Variants in GOLT1B observed in about 807,000 individuals in gnomAD.
The protein encoded by GOLT1B is golgi transport 1B.
A neutral mutation model predicts 15.4 loss-of-function variants in GOLT1B; 3 were observed. That is an observed-to-expected ratio of 0.19 (90% CI 0.09 to 0.50). The LOEUF is 0.50. GOLT1B is among the 20% of genes least tolerant of loss of function. The probability of loss-of-function intolerance (pLI) is 0.97; values close to 1 mark genes in which losing one functional copy is unlikely to be tolerated. For synonymous variants in GOLT1B, 65 were observed against 56.2 expected, an observed-to-expected ratio of 1.16 and a Z score of -0.70; for missense variants, 145 against 160.4, an observed-to-expected ratio of 0.90 and a Z score of 0.52.
At chr12:21,512,240 A>G in intron 3 of GOLT1B, 55 bp from the exon 4 acceptor site, 1 of 884,872 alleles carries the variant, frequency 1.1e-6, no homozygotes, top group Non-Finnish European at 1.9e-6. Flanking sequence ...GTTAGCAATT[A>G]TTTTGAAAAT....
At chr12:21,504,329 G>A (rs77433867) in intron 1 of GOLT1B, among the ~76,000 whole-genome samples, 4,049 of 152,222 alleles carry the variant, frequency 0.027, 80 homozygotes, top group Non-Finnish European at 0.041. Context: ...GAATGCATAC[G>A]GATAGGGAAA....
At chr12:21,512,256 ATG>A (rs752085767) in intron 3 of GOLT1B, 37 bp from the exon 4 acceptor site, 4 of 960,906 alleles carry the variant, frequency 4.2e-6, no homozygotes, top group Non-Finnish European at 6.6e-6. Flanking sequence ...AAAATAGAAA[ATG>A]TGTAAATATT....
intron 3 of GOLT1B, among the ~76,000 whole-genome samples, chr12:21,511,172 G>C (rs1943716647): frequency 6.6e-6 from 1 of 152,184 alleles, no homozygotes; most frequent in African/African-American, 2.4e-5. Context: ...CTCTAAGTTG[G>C]GGTTCCCACG....
chr12:21,504,767 G>A (rs552368703), intron 1 of GOLT1B, among the ~76,000 whole-genome samples: 11 of 152,218 alleles, frequency 7.2e-5, no homozygotes, highest in East Asian at 3.9e-4. Context: ...TTCATAACAC[G>A]GTAAACCATA....
At chr12:21,511,342 C>T (rs1943718312) in intron 3 of GOLT1B, among the ~76,000 whole-genome samples, 1 of 150,020 alleles carries the variant, frequency 6.7e-6, no homozygotes, top group Admixed American at 6.6e-5. Context: ...CCCCCACCCT[C>T]CCCAACCCAC....
Position 21,513,401 on chromosome 12 carries a change from C to G in GOLT1B, c.378+1025C>G, listed in dbSNP as rs546474416. 6.0e-4 allele frequency among the ~76,000 whole-genome samples: 91 copies of G among 152,264 alleles called. 1 individual carries two copies. Among genetic ancestry groups the G allele is most frequent in the African/African-American group, 2.1e-3 (86 of 41,554 alleles). ...TCAGAATTCAGCTTATTTTTTGCCA[C>G]CTTGGGAAAAGCTTTCCTGACTCCC... is the stretch of plus-strand genomic sequence containing the variant. On this transcript the variant is annotated intron_variant, in intron 4 of 4. Transcript: ENST00000229314.
In GOLT1B at chr12:21,506,916, G is replaced by A; in HGVS notation, c.57G>A (p.Val19=). ...GAATGGGATTAACAGGATTTGGAGT[G>A]TTTTTCCTGTTCTTTGGAATGATTC... ...KIGMGLTGFG[V]FFLFFGMILF... is the part of the protein sequence containing the mutation. The change falls in exon 2 of 5, where the codon GTG becomes GTA. Residue 19 remains valine, a synonymous_variant. Transcript: ENST00000229314. The A allele has an allele frequency of 6.6e-7, 1 of 1,507,648 alleles. No homozygotes were observed. Among genetic ancestry groups the A allele is most frequent in the Non-Finnish European group, 9.2e-7 (1 of 1,085,568 alleles). 93.4% of individuals were successfully genotyped at this position (1,507,648 alleles called of 1,614,324 possible). A position where few individuals can be genotyped will look rare whatever the true frequency, so the allele number is the denominator to read the frequency against.
rs370384175 is a variant in GOLT1B, at chr12:21,513,632, C to CA, written c.378+1266dup. Among the ~76,000 whole-genome samples, 1,270 of 143,120 alleles carry CA rather than the reference C, an allele frequency of 8.9e-3. 16 individuals carry two copies. Among genetic ancestry groups the CA allele is most frequent in the African/African-American group, 0.025 (966 of 39,294 alleles). The allele number at this position is 143,120 out of a possible 152,430, so 93.9% of individuals were successfully genotyped here. A position where few individuals can be genotyped will look rare whatever the true frequency, so the allele number is the denominator to read the frequency against. On this transcript the variant is annotated intron_variant, in intron 4 of 4. Transcript: ENST00000229314. ...CCAGCCTTACCTCTCATTTAATTGT[C>CA]AAAAAAAAAAGGCTTCAGGCCATGC...
At chr12:21,511,013 G>A (rs983295343) in intron 3 of GOLT1B, among the ~76,000 whole-genome samples, 6 of 152,060 alleles carry the variant, frequency 3.9e-5, no homozygotes. Context: ...ACAACAGCTG[G>A]GTGTCCTCCC....
At position 21,508,680 on chromosome 12, in the gene GOLT1B, T is replaced by G. The variant is rs1038149496; in HGVS notation, c.296+119T>G. 6.3e-5 allele frequency: 40 copies of G among 635,268 alleles called. No homozygotes were observed. The Admixed American group carries it at 1.3e-3, about 21-fold the overall frequency. 39.4% of individuals were successfully genotyped at this position (635,268 alleles called of 1,614,324 possible). ...TCATTTCCTTAAATGGAATTTTATTTAGGTTGAATCTTATAGATTTAGATG... is the reference window on the plus strand; with the variant it reads ...TCATTTCCTTAAATGGAATTTTATTGAGGTTGAATCTTATAGATTTAGATG... On this transcript the variant is annotated intron_variant, in intron 3 of 4. Coordinates refer to ENST00000229314, the MANE Select transcript of GOLT1B (RefSeq NM_016072.5).
Position 21,516,594 on chromosome 12 carries a change from TTTC to T in GOLT1B, c.*893_*895del, listed in dbSNP as rs1943757503. 1 of 152,246 alleles carries T rather than the reference TTTC, an allele frequency of 6.6e-6. No individual in the cohort carries two copies. The highest frequency in any genetic ancestry group is 2.4e-5 in the African/African-American group (1 of 41,584). The allele number at this position is 152,246 out of a possible 1,614,324, so 9.4% of individuals were successfully genotyped here. On this transcript the variant is annotated 3_prime_UTR_variant, in exon 5 of 5. Transcript: ENST00000229314. ...TTTCCATGTCATGATGTAATTTTTC[TTTC>T]TTCTTTCTTTTTTTTAAATTTTAGC...
Position 21,508,556 on chromosome 12 carries a change from G to A in GOLT1B, c.291G>A (p.Leu97=), listed in dbSNP as rs1943695641. 6.6e-7 allele frequency: 1 copy of A among 1,510,720 alleles called. No individual in the cohort carries two copies. Among genetic ancestry groups the A allele is most frequent in the Non-Finnish European group, 9.2e-7 (1 of 1,089,096 alleles). 93.6% of individuals were successfully genotyped at this position (1,510,720 alleles called of 1,614,324 possible). Residue 97 remains leucine, a synonymous_variant, in exon 3 of 5, where the codon TTG becomes TTA. Coordinates refer to ENST00000229314, the MANE Select transcript of GOLT1B (RefSeq NM_016072.5). ...TCGAAATTTATGGATTTTTTCTCTTGTTCAGGTAAGGCATATTATTGTCTC... is the reference window on the plus strand; with the variant it reads ...TCGAAATTTATGGATTTTTTCTCTTATTCAGGTAAGGCATATTATTGTCTC... The part of the protein sequence containing the change: ...MIFEIYGFFL[L]FRGFFPVVVG...
At chr12:21,507,011 T>A (rs377152793) in intron 2 of GOLT1B, 35 bp downstream of exon 2, 1 of 839,662 alleles carries the variant, frequency 1.2e-6, no homozygotes, top group Non-Finnish European at 2.0e-6. Context: ...ACTAAATTTA[T>A]AAGGAAATTT....
chr12:21,501,884 T>A lies in GOLT1B; in HGVS notation c.-40T>A. The A allele has an allele frequency of 6.6e-7, 1 of 1,520,454 alleles. No individual in the cohort carries two copies. Among genetic ancestry groups the A allele is most frequent in the Non-Finnish European group, 9.1e-7 (1 of 1,094,830 alleles). 94.2% of individuals were successfully genotyped at this position (1,520,454 alleles called of 1,614,324 possible). A position where few individuals can be genotyped will look rare whatever the true frequency, so the allele number is the denominator to read the frequency against. ...CCCGACTCAGCTTCCCACCCTGGGC[T>A]TTCCGAGGTGCTGTCGCCGCTGTCC... On this transcript the variant is annotated 5_prime_UTR_variant, in exon 1 of 5. Transcript: ENST00000229314.
intron 3 of GOLT1B, among the ~76,000 whole-genome samples, chr12:21,509,822 A>T (rs574882199): frequency 1.3e-5 from 2 of 152,232 alleles, no homozygotes; most frequent in Non-Finnish European, 2.9e-5. Context: ...TTCTGAAAAG[A>T]ATGAATACTC....
At chr12:21,504,594 C>G (rs766290140) in intron 1 of GOLT1B, 1 of 508,364 alleles carries the variant, frequency 2.0e-6, no homozygotes, top group Non-Finnish European at 3.9e-6. Context: ...GTACCTGCCT[C>G]CATACCACCA....
chr12:21,512,228 T>C, intron 3 of GOLT1B, 67 bp from the exon 4 acceptor site: 2 of 816,944 alleles, frequency 2.4e-6, no homozygotes, highest in Non-Finnish European at 4.2e-6. Flanking sequence ...TCTTTTTCCT[T>C]GGTTAGCAAT....
At chr12:21,511,311 G>T (rs1203920098) in intron 3 of GOLT1B, among the ~76,000 whole-genome samples, 2 of 152,200 alleles carry the variant, frequency 1.3e-5, no homozygotes, top group African/African-American at 2.4e-5. Context: ...GGCAAGGAAA[G>T]GGGGGAGGGT....
intron 2 of GOLT1B, chr12:21,507,822 G>T (rs1016777612): frequency 1.1e-5 from 4 of 368,714 alleles, no homozygotes; most frequent in Non-Finnish European, 2.1e-5. Context: ...GAAAACACAT[G>T]GTTGTATTTT....
Sources: gnomAD v4.1 joint callset for allele counts (sites outside exome capture counted in the v4.1 genomes callset) on GRCh38, gnomAD v4.1.1 for gene constraint, MANE v1.5 for transcripts, NCBI Gene and HGNC (gene_info 2026-07-23, HGNC 2026-07-21) for gene names.